METTL6: variants seen among roughly 807,000 people sequenced by gnomAD.
METTL6 encodes tRNA N(3)-cytidine methyltransferase METTL6.
A neutral mutation model predicts 26.4 loss-of-function variants in METTL6; 22 were observed. The observed-to-expected ratio is 0.83, with a 90% CI of 0.59 to 1.19. METTL6 has a LOEUF of 1.19. Among genes scored for constraint, METTL6 ranks in the 50% most tolerant of loss-of-function variants. The pLI is 0.00. For missense variants in METTL6, 304 were observed against 324.8 expected (o/e 0.94, Z 0.49); for synonymous variants, 109 against 116.2 (o/e 0.94, Z 0.40).
chr3:15,405,166 GA>G (rs1165074024), downstream of METTL6, among the ~76,000 whole-genome samples: 1 of 151,522 alleles, frequency 6.6e-6, no homozygotes, highest in East Asian at 1.9e-4. Flanking sequence ...TTACTCACAG[GA>G]AAAAAAAATT....
Position 15,426,383 on chromosome 3 carries a change from T to C in METTL6, c.129A>G (p.Lys43=), listed in dbSNP as rs1243560725. 1.9e-6 allele frequency: 3 copies of C among 1,614,248 alleles called. No homozygotes were observed. The highest frequency in any genetic ancestry group is 2.7e-5 in the African/African-American group (2 of 75,066). Residue 43 remains lysine, a synonymous_variant, in exon 2 of 6, where the codon AAA becomes AAG. Transcript: ENST00000383790. ...TTCTTTTGTAAAAAAGATCCCAATT[T>C]TTCTGAGCCTCTTGTTCCAATTTCT... ...KQQKLEQEAQ[K]NWDLFYKRNS...
intron 6 of METTL6, among the ~76,000 whole-genome samples, chr3:15,400,906 T>G (rs1334943405): frequency 3.9e-5 from 6 of 152,108 alleles, no homozygotes. Flanking sequence ...AGTTTTGGAG[T>G]GATGGAGTGC....
intron 6 of METTL6, among the ~76,000 whole-genome samples, chr3:15,393,904 T>C (rs1294004113): frequency 6.6e-6 from 1 of 152,232 alleles, no homozygotes; most frequent in Non-Finnish European, 1.5e-5. Flanking sequence ...TTTCCCAGTA[T>C]TTTATTGAGG....
At chr3:15,424,922 A>G in intron 3 of METTL6, 33 bp downstream of exon 3, 2 of 1,610,320 alleles carry the variant, frequency 1.2e-6, no homozygotes, top group Non-Finnish European at 1.7e-6. Context: ...AAGAAAACAG[A>G]AACACAGCAG....
At chr3:15,421,243 A>G (rs2061605315) in intron 3 of METTL6, among the ~76,000 whole-genome samples, 1 of 152,244 alleles carries the variant, frequency 6.6e-6, no homozygotes, top group Non-Finnish European at 1.5e-5. Context: ...ATGTGACAAC[A>G]TATAATAATA....
intron 1 of METTL6, 75 bp from the exon 2 acceptor site, chr3:15,426,710 A>G (rs1437631594): frequency 1.7e-6 from 1 of 601,032 alleles, no homozygotes; most frequent in East Asian, 2.8e-5. Flanking sequence ...CCAAATGTTT[A>G]TGAGATGCAG....
chr3:15,413,826 C>T, intron 5 of METTL6, 195 bp downstream of exon 5: 1 of 1,495,242 alleles, frequency 6.7e-7, no homozygotes, highest in South Asian at 1.2e-5. Flanking sequence ...CCAGAGAAGG[C>T]TTGTGAGCTC....
At chr3:15,407,929 T>A (rs1211854069), downstream of METTL6, among the ~76,000 whole-genome samples, 3 of 152,198 alleles carry the variant, frequency 2.0e-5, 1 homozygote, top group Admixed American at 2.0e-4. Flanking sequence ...AGTCTGAACT[T>A]GATCTTGTTT....
intron 6 of METTL6, among the ~76,000 whole-genome samples, chr3:15,391,680 G>A (rs1215272411): frequency 7.9e-6 from 1 of 127,088 alleles, no homozygotes; most frequent in Non-Finnish European, 1.6e-5. Context: ...CCCGGTGTGT[G>A]ATGTTCCCCT....
chr3:15,384,427 T>C (rs1010184823), intron 6 of METTL6: 4 of 174,532 alleles, frequency 2.3e-5, no homozygotes, highest in South Asian at 2.2e-4. Flanking sequence ...AACGAGACTA[T>C]GCAGAGAGAA....
chr3:15,418,030 A>G (rs535396644), intron 3 of METTL6, among the ~76,000 whole-genome samples: 7 of 152,354 alleles, frequency 4.6e-5, no homozygotes, highest in Non-Finnish European at 7.3e-5. Context: ...TGCCCACAGC[A>G]ACAACAAACC....
chr3:15,383,373 T>A (rs564319989), exon 7 of METTL6: 1 of 152,082 alleles, frequency 6.6e-6, no homozygotes, highest in South Asian at 2.1e-4. Flanking sequence ...ATAACAATAA[T>A]GAATTTTTTA....
chr3:15,421,157 A>G (rs1251592113), intron 3 of METTL6, among the ~76,000 whole-genome samples: 1 of 152,194 alleles, frequency 6.6e-6, no homozygotes, highest in African/African-American at 2.4e-5. Context: ...CTATAGGTGC[A>G]TTTTTAGTAA....
intron 6 of METTL6, among the ~76,000 whole-genome samples, chr3:15,388,991 C>T (rs946663209): frequency 6.6e-6 from 1 of 152,060 alleles, no homozygotes; most frequent in Non-Finnish European, 1.5e-5. Flanking sequence ...TCCTAAGTAG[C>T]TGTGACTATA....
intron 4 of METTL6, chr3:15,414,972 T>C (rs983273046): frequency 2.7e-6 from 3 of 1,103,520 alleles, no homozygotes; most frequent in Non-Finnish European, 3.4e-6. Flanking sequence ...GTTATCCTCA[T>C]TGAAGCACTT....
intron 6 of METTL6, among the ~76,000 whole-genome samples, chr3:15,395,967 T>C (rs977530563): frequency 7.9e-5 from 12 of 152,190 alleles, no homozygotes; most frequent in Non-Finnish European, 1.8e-4. Context: ...CTGACAATTA[T>C]GTGTCTTGGA....
At chr3:15,397,223 C>T (rs541176831) in intron 6 of METTL6, among the ~76,000 whole-genome samples, 57 of 152,280 alleles carry the variant, frequency 3.7e-4, no homozygotes, top group African/African-American at 1.3e-3. Context: ...CCTTGCAGTT[C>T]GATCTCAGAC....
At chr3:15,390,980 T>C (rs945902973) in intron 6 of METTL6, among the ~76,000 whole-genome samples, 2 of 152,076 alleles carry the variant, frequency 1.3e-5, no homozygotes, top group Non-Finnish European at 2.9e-5. Flanking sequence ...CTCAGCGGGA[T>C]GGGGAGTTGA....
chr3:15,425,499 C>T lies in METTL6; in HGVS notation c.226-410G>A, dbSNP rs116417142. Reference sequence around the variant, plus strand: ...AGAAAACAGCCATGGTAAATAGTTACTAACATTAACTATTATATTATTCTG... The same window carrying T: ...AGAAAACAGCCATGGTAAATAGTTATTAACATTAACTATTATATTATTCTG... On this transcript the variant is annotated intron_variant, in intron 2 of 5. Transcript: ENST00000383790. 2.0e-3 allele frequency among the ~76,000 whole-genome samples: 300 copies of T among 152,324 alleles called. 3 individuals carry two copies. Among genetic ancestry groups the T allele is most frequent in the African/African-American group, 6.9e-3 (287 of 41,576 alleles).
Sources: allele counts gnomAD v4.1 joint callset (sites outside exome capture counted in the v4.1 genomes callset), GRCh38; gene constraint gnomAD v4.1.1; transcripts MANE v1.5; gene names NCBI Gene and HGNC (gene_info 2026-07-23, HGNC 2026-07-21).